RELN: variants seen among roughly 807,000 people sequenced by gnomAD.
RELN encodes reelin.
In RELN, 108 loss-of-function variants were observed where a neutral mutation model predicts 427.6. The ratio of observed to expected loss-of-function variants is 0.25; its 90% CI spans 0.22 to 0.30. The LOEUF (loss-of-function observed/expected upper bound fraction) is 0.30. Among genes scored for constraint, RELN ranks in the 10% least tolerant of loss-of-function variants. The pLI, the probability that RELN is intolerant of heterozygous loss-of-function variation, is 1.00. For synonymous variants in RELN, 1,524 were observed against 1,513.4 expected (o/e 1.01, Z -0.16); for missense variants, 3,715 against 4,302.8 (o/e 0.86, Z 3.82).
chr7:103,723,597 A>C (rs1474713061), intron 7 of RELN, among the ~76,000 whole-genome samples: 1 of 152,204 alleles, frequency 6.6e-6, no homozygotes, highest in Admixed American at 6.5e-5. Flanking sequence ...CCGAACAAAA[A>C]TTGGGAGATA....
At chr7:103,855,338 C>A (rs1214241375) in intron 2 of RELN, among the ~76,000 whole-genome samples, 1 of 152,224 alleles carries the variant, frequency 6.6e-6, no homozygotes, top group African/African-American at 2.4e-5. Context: ...GAGGCCATCA[C>A]TTGCGTCACT....
chr7:103,915,792 T>C (rs1795471076), intron 2 of RELN, among the ~76,000 whole-genome samples: 1 of 152,214 alleles, frequency 6.6e-6, no homozygotes, highest in South Asian at 2.1e-4. Context: ...GTAGTTTTAC[T>C]TGCTGAATCT....
intron 11 of RELN, among the ~76,000 whole-genome samples, chr7:103,675,142 T>C (rs541013216): frequency 0.019 from 2,874 of 152,250 alleles, 106 homozygotes; most frequent in African/African-American, 0.066. Flanking sequence ...AAAACCCCAC[T>C]GTCTCAGCCC....
At chr7:103,966,719 T>A (rs967676980) in intron 1 of RELN, among the ~76,000 whole-genome samples, 5 of 152,216 alleles carry the variant, frequency 3.3e-5, no homozygotes, top group African/African-American at 1.2e-4. Context: ...AAACTTCCTT[T>A]ATTTTCCAAA....
At chr7:103,625,418 T>C (rs1313378166) in intron 20 of RELN, among the ~76,000 whole-genome samples, 2 of 152,246 alleles carry the variant, frequency 1.3e-5, no homozygotes, top group South Asian at 2.1e-4. Context: ...TTGATCTCTT[T>C]AAATTTCAGA....
chr7:103,592,844 T>C (rs753189352), intron 27 of RELN, among the ~76,000 whole-genome samples: 2 of 152,194 alleles, frequency 1.3e-5, no homozygotes, highest in African/African-American at 2.4e-5. Flanking sequence ...TCATATATTG[T>C]TATTGATATT....
At chr7:103,976,902 A>T (rs1027701586) in intron 1 of RELN, among the ~76,000 whole-genome samples, 16 of 151,766 alleles carry the variant, frequency 1.1e-4, no homozygotes, top group Non-Finnish European at 2.4e-4. Flanking sequence ...AAATACAAAA[A>T]TGAGTGGGGT....
At chr7:103,651,867 T>C (rs1366303162) in intron 14 of RELN, 78 bp from the exon 15 acceptor site, 16 of 1,425,312 alleles carry the variant, frequency 1.1e-5, no homozygotes, top group Non-Finnish European at 1.6e-5. Flanking sequence ...TCAACTCTGG[T>C]TAAGTACATT....
rs1012840828 is a variant in RELN, at chr7:103,563,410, G to A, written c.5211-1457C>T. Among the ~76,000 whole-genome samples, 2 of 152,224 alleles carry A rather than the reference G, an allele frequency of 1.3e-5. No homozygotes were observed. The highest frequency in any genetic ancestry group is 3.9e-4 in the East Asian group (2 of 5,190). On this transcript the variant is annotated intron_variant, in intron 34 of 64. Coordinates refer to ENST00000428762, the MANE Select transcript of RELN (RefSeq NM_005045.4). This position sits in a 1 kb window ranked among gnomAD's most constrained non-coding sequence, Gnocchi z 4.1. ...TAAGAAAGAAGTTTTCAAAGTTAAA[G>A]TTCTCAAAATATTAAAAGCTTACAG... is the stretch of plus-strand genomic sequence containing the variant.
intron 2 of RELN, among the ~76,000 whole-genome samples, chr7:103,850,097 G>A (rs1003737187): frequency 2.0e-5 from 3 of 152,154 alleles, no homozygotes; most frequent in African/African-American, 4.8e-5. Flanking sequence ...TCCCAATGAT[G>A]GTTATGTGTT....
rs1352982779 is a variant in RELN at position 103,472,657 on chromosome 7, T to C, written c.*155A>G. ...AGTCACTTGTCATTAGTTCACAGTG[T>C]GGGAAAGTGGTGTACACTCGGTCTT... On this transcript the variant is annotated 3_prime_UTR_variant, in exon 65 of 65. Coordinates refer to ENST00000428762, the MANE Select transcript of RELN (RefSeq NM_005045.4). 4.6e-6 allele frequency: 3 copies of C among 655,492 alleles called. No homozygotes were observed. The highest frequency in any genetic ancestry group is 3.6e-5 in the African/African-American group (2 of 55,320). 40.6% of individuals were successfully genotyped at this position (655,492 alleles called of 1,614,324 possible).
chr7:103,600,430 G>A (rs981489284), intron 24 of RELN, among the ~76,000 whole-genome samples: 1 of 152,098 alleles, frequency 6.6e-6, no homozygotes, highest in Non-Finnish European at 1.5e-5. Flanking sequence ...TTTTTCCTAT[G>A]GAGCTGGTTG....
At chr7:103,870,373 C>A (rs1400987775) in intron 2 of RELN, among the ~76,000 whole-genome samples, 1 of 151,134 alleles carries the variant, frequency 6.6e-6, no homozygotes, top group African/African-American at 2.4e-5. Flanking sequence ...GTTTTGATTA[C>A]TTTTTGGCAG....
chr7:103,920,048 A>C (rs1005030865), intron 1 of RELN, among the ~76,000 whole-genome samples: 1 of 152,166 alleles, frequency 6.6e-6, no homozygotes, highest in African/African-American at 2.4e-5. Flanking sequence ...TCATAGGATT[A>C]TCCATGTGTG....
chr7:103,893,992 A>G (rs1247891596), intron 2 of RELN, among the ~76,000 whole-genome samples: 1 of 152,204 alleles, frequency 6.6e-6, no homozygotes, highest in Non-Finnish European at 1.5e-5. Flanking sequence ...CGAACGCTGA[A>G]TAGAAGGGAA....
chr7:103,797,788 G>A (rs1017371398), intron 3 of RELN, among the ~76,000 whole-genome samples: 8 of 152,096 alleles, frequency 5.3e-5, no homozygotes, highest in Admixed American at 3.9e-4. Flanking sequence ...TGTATATAAA[G>A]GAATTGTGAA....
chr7:103,603,296 G>T lies in RELN; in HGVS notation c.3333+8C>A, dbSNP rs1482310315. The T allele has an allele frequency of 6.2e-7, 1 of 1,610,042 alleles. No individual in the cohort carries two copies. The highest frequency in any genetic ancestry group is 1.1e-5 in the South Asian group (1 of 90,958). On this transcript the variant is annotated splice_region_variant and intron_variant, in intron 24 of 64. Coordinates refer to ENST00000428762, the MANE Select transcript of RELN (RefSeq NM_005045.4). This position sits in a 1 kb window ranked among gnomAD's most constrained non-coding sequence, Gnocchi z 4.3. Reference sequence around the variant, plus strand: ...GCCCCGATGACTTATCCCAGCTGTTGGTCATACCTTGCTGAAGTACAGAGA... The same window carrying T: ...GCCCCGATGACTTATCCCAGCTGTTTGTCATACCTTGCTGAAGTACAGAGA...
rs113383342 is a variant in RELN at position 103,840,157 on chromosome 7, T to C, written c.338-6485A>G. Among the ~76,000 whole-genome samples, 252 of 152,304 alleles carry C rather than the reference T, an allele frequency of 1.7e-3. 1 individual carries two copies. Among genetic ancestry groups the C allele is most frequent in the African/African-American group, 5.9e-3 (244 of 41,578 alleles). On this transcript the variant is annotated intron_variant, in intron 2 of 64. Coordinates refer to ENST00000428762, the MANE Select transcript of RELN (RefSeq NM_005045.4). ...AAACCTATTTTCTTTATAAATTACC[T>C]AGTCTCAGGTAGTTCTTTATAGCAG... is the stretch of plus-strand genomic sequence containing the variant.
intron 8 of RELN, among the ~76,000 whole-genome samples, chr7:103,703,302 T>C (rs914645247): frequency 6.6e-6 from 1 of 152,158 alleles, no homozygotes; most frequent in Non-Finnish European, 1.5e-5. Context: ...TATGTATAAC[T>C]AGGTAAGCTT....
Sources: gnomAD v4.1 joint callset for allele counts (sites outside exome capture counted in the v4.1 genomes callset) on GRCh38, gnomAD v4.1.1 for gene constraint, Gnocchi (gnomAD v3.1) non-coding constraint, MANE v1.5 for transcripts, NCBI Gene and HGNC (gene_info 2026-07-23, HGNC 2026-07-21) for gene names.